DCAF17: variants seen among roughly 807,000 people sequenced by gnomAD.
The protein encoded by DCAF17 is DDB1- and CUL4-associated factor 17.
A neutral mutation model predicts 66.0 loss-of-function variants in DCAF17; 48 were observed. The ratio of observed to expected loss-of-function variants is 0.73; its 90% CI spans 0.58 to 0.92. The LOEUF (loss-of-function observed/expected upper bound fraction) is 0.92, where lower values mean the gene tolerates loss of function less well. Among genes scored for constraint, DCAF17 ranks in the 40% least tolerant of loss-of-function variants. The pLI is 0.00. For missense variants in DCAF17, 562 were observed against 622.8 expected (o/e 0.90, Z 1.04); for synonymous variants, 206 against 214.6 (o/e 0.96, Z 0.35).
intron 2 of DCAF17, among the ~76,000 whole-genome samples, chr2:171,440,089 G>A (rs1285204435): frequency 1.3e-5 from 2 of 152,136 alleles, no homozygotes; most frequent in African/African-American, 4.8e-5. Flanking sequence ...AGCCTCCTGA[G>A]TATAGCTGGA....
intron 2 of DCAF17, among the ~76,000 whole-genome samples, chr2:171,442,154 G>A (rs1311038556): frequency 6.6e-6 from 1 of 152,198 alleles, no homozygotes; most frequent in East Asian, 1.9e-4. Context: ...TTGTGAAACT[G>A]TTTGGTTTAA....
chr2:171,447,854 ACTTCCACCTTGTGGTGG>A (rs1694723133), intron 3 of DCAF17, among the ~76,000 whole-genome samples: 1 of 152,314 alleles, frequency 6.6e-6, no homozygotes, highest in East Asian at 1.9e-4. Flanking sequence ...CCTGCCTTAG[ACTTCCACCTTGTGGTGG>A]CTCCTCAGTG....
At chr2:171,474,019 G>T in intron 10 of DCAF17, 44 bp downstream of exon 10, 2 of 1,523,762 alleles carry the variant, frequency 1.3e-6, no homozygotes, top group African/African-American at 1.4e-5. Context: ...GCAGCTTTTG[G>T]TAGCATTTAT....
intron 2 of DCAF17, among the ~76,000 whole-genome samples, chr2:171,435,902 G>C (rs1371621699): frequency 1.3e-5 from 2 of 152,098 alleles, no homozygotes; most frequent in Non-Finnish European, 2.9e-5. Context: ...TGCATTCACA[G>C]ATACATGTAA....
chr2:171,454,285 T>C (rs1695119522), intron 6 of DCAF17, among the ~76,000 whole-genome samples: 2 of 151,682 alleles, frequency 1.3e-5, no homozygotes, highest in South Asian at 4.2e-4. Context: ...ATTATTATTA[T>C]TAATTTTTTT....
chr2:171,443,891 A>G lies in DCAF17; in HGVS notation c.321+278A>G, dbSNP rs533375170. 7.2e-5 allele frequency among the ~76,000 whole-genome samples: 11 copies of G among 152,334 alleles called. No individual in the cohort carries two copies. The South Asian group carries it at 2.3e-3, about 32-fold the overall frequency. ...ATCGATTAAAAGTTATATAAGCAGC[A>G]TAAGCTAATGTATAATTATCTTAGT... On this transcript the variant is annotated intron_variant, in intron 3 of 13. Transcript: ENST00000375255.
chr2:171,456,256 A>G (rs868367613), intron 6 of DCAF17, among the ~76,000 whole-genome samples: 1 of 151,750 alleles, frequency 6.6e-6, no homozygotes, highest in East Asian at 1.9e-4. Context: ...CCAGCACCAC[A>G]GGGAATCCTT....
chr2:171,471,402 G>T (rs527559301), intron 9 of DCAF17, among the ~76,000 whole-genome samples: 4 of 152,240 alleles, frequency 2.6e-5, no homozygotes, highest in Non-Finnish European at 4.4e-5. Context: ...ATAATAAGCT[G>T]CCCAGTATTT....
At position 171,482,542 on chromosome 2, in the gene DCAF17, AAAG is replaced by A. The variant is rs1418618736; in HGVS notation, c.*1431_*1433del. On this transcript the variant is annotated 3_prime_UTR_variant, in exon 14 of 14. Transcript: ENST00000375255. ...CCAGTAAGAGGCCAGTGAAAGTACT[AAAG>A]AAAGAAACCAATGTTGTGTGAGTTT... 2.2e-6 allele frequency: 1 copy of A among 454,126 alleles called. No homozygotes were observed. Among genetic ancestry groups the A allele is most frequent in the Middle Eastern group, 6.9e-4 (1 of 1,444 alleles). 28.1% of individuals were successfully genotyped at this position (454,126 alleles called of 1,614,324 possible).
intron 3 of DCAF17, among the ~76,000 whole-genome samples, chr2:171,445,662 A>T (rs1160014915): frequency 6.6e-6 from 1 of 152,118 alleles, no homozygotes. Flanking sequence ...TATAAATAGT[A>T]TATTTTTTAA....
rs1240579857 is a variant in DCAF17, at chr2:171,484,296, G to A, written c.*3182G>A. On this transcript the variant is annotated 3_prime_UTR_variant, in exon 14 of 14. Transcript: ENST00000375255. ...CTATCAAATCTGTATCTTGCAGAAAGAATAATTTATTTCAAACAAGGGACA... is the reference window on the plus strand; with the variant it reads ...CTATCAAATCTGTATCTTGCAGAAAAAATAATTTATTTCAAACAAGGGACA... 11 of 430,530 alleles carry A rather than the reference G, an allele frequency of 2.6e-5. No individual in the cohort carries two copies. Among genetic ancestry groups the A allele is most frequent in the South Asian group, 1.9e-4 (11 of 58,274 alleles). 26.7% of individuals were successfully genotyped at this position (430,530 alleles called of 1,614,324 possible). A position where few individuals can be genotyped will look rare whatever the true frequency, so the allele number is the denominator to read the frequency against.
At chr2:171,477,947 T>C (rs1696572801) in intron 11 of DCAF17, 40 bp from the exon 12 acceptor site, 2 of 1,561,150 alleles carry the variant, frequency 1.3e-6, no homozygotes, top group Middle Eastern at 1.7e-4. Flanking sequence ...CTGCATGTAA[T>C]AGAACTTGTC....
rs1559295939 is a variant in DCAF17, at chr2:171,481,433, G to T, written c.*319G>T. 2 of 472,446 alleles carry T rather than the reference G, an allele frequency of 4.2e-6. No individual in the cohort carries two copies. Among genetic ancestry groups the T allele is most frequent in the African/African-American group, 3.9e-5 (2 of 50,832 alleles). The allele number at this position is 472,446 out of a possible 1,614,324, so 29.3% of individuals were successfully genotyped here. A position where few individuals can be genotyped will look rare whatever the true frequency, so the allele number is the denominator to read the frequency against. On this transcript the variant is annotated 3_prime_UTR_variant, in exon 14 of 14. Transcript: ENST00000375255. ...CCAATTGTTGAGGAGTTAAGTCATT[G>T]ATGGGGTGGGTCATTGATGAGTTCT...
chr2:171,474,004 T>C (rs1696384158), intron 10 of DCAF17, 29 bp downstream of exon 10: 1 of 1,569,094 alleles, frequency 6.4e-7, no homozygotes, highest in Admixed American at 1.7e-5. Flanking sequence ...ACTTGAAAGT[T>C]AAGAGCAGCT....
intron 2 of DCAF17, among the ~76,000 whole-genome samples, chr2:171,440,181 T>G (rs1372154315): frequency 1.3e-5 from 2 of 152,192 alleles, no homozygotes; most frequent in African/African-American, 4.8e-5. Flanking sequence ...CTCTGCCATA[T>G]CTGAATCCAG....
chr2:171,459,411 G>A (rs1695449965), intron 8 of DCAF17, among the ~76,000 whole-genome samples: 1 of 152,180 alleles, frequency 6.6e-6, no homozygotes, highest in African/African-American at 2.4e-5. Context: ...GGAATCCAAG[G>A]ATGGTTTAAT....
intron 8 of DCAF17, 141 bp downstream of exon 8, chr2:171,458,618 C>T (rs1695399096): frequency 1.5e-6 from 1 of 688,902 alleles, no homozygotes; most frequent in East Asian, 2.8e-5. Flanking sequence ...ATGTGCCTTG[C>T]TATTCAATAA....
At chr2:171,470,914 G>A (rs1277730055) in intron 9 of DCAF17, among the ~76,000 whole-genome samples, 5 of 152,140 alleles carry the variant, frequency 3.3e-5, no homozygotes, top group African/African-American at 1.2e-4. Flanking sequence ...ATGGTATAAG[G>A]GATGATGTGC....
At chr2:171,480,246 A>G (rs1002612600) in intron 13 of DCAF17, 53 bp downstream of exon 13, 15 of 1,593,328 alleles carry the variant, frequency 9.4e-6, no homozygotes, top group Admixed American at 6.7e-5. Context: ...TATAGGTGCC[A>G]TTTATTAGAA....
Sources: gnomAD v4.1 joint callset for allele counts (sites outside exome capture counted in the v4.1 genomes callset) on GRCh38, gnomAD v4.1.1 for gene constraint, MANE v1.5 for transcripts, NCBI Gene and HGNC (gene_info 2026-07-23, HGNC 2026-07-21) for gene names.